CDS2: variants seen among roughly 807,000 people sequenced by gnomAD.
CDS2 encodes the protein phosphatidate cytidylyltransferase 2.
Under a neutral mutation model 59.0 loss-of-function variants are expected in CDS2, and 47 were observed. That is an observed-to-expected ratio of 0.80 (90% CI 0.63 to 1.02). The LOEUF is 1.02. Ranked by LOEUF, CDS2 falls within the 50% of genes least tolerant of loss-of-function variation. The pLI is 0.00. For missense variants in CDS2, 356 were observed against 558.9 expected, an observed-to-expected ratio of 0.64 and a Z score of 3.66; for synonymous variants, 207 against 206.4, an observed-to-expected ratio of 1.00 and a Z score of -0.02.
chr20:5,190,384 A>G lies in CDS2; in HGVS notation c.*150A>G. On this transcript the variant is annotated 3_prime_UTR_variant, in exon 13 of 13. Transcript: ENST00000460006. ...GAGGGTATTTTTTATTTGTGGGTTC[A>G]AAAAATCTGTATATACAGTCTATGT... is the stretch of plus-strand genomic sequence containing the variant. 1.4e-6 allele frequency: 1 copy of G among 718,628 alleles called. No individual in the cohort carries two copies. Among genetic ancestry groups the G allele is most frequent in the South Asian group, 2.3e-5 (1 of 42,646 alleles). 44.5% of individuals were successfully genotyped at this position (718,628 alleles called of 1,614,324 possible). A position where few individuals can be genotyped will look rare whatever the true frequency, so the allele number is the denominator to read the frequency against.
chr20:5,137,922 C>T (rs1051703229), intron 1 of CDS2, among the ~76,000 whole-genome samples: 2 of 151,662 alleles, frequency 1.3e-5, no homozygotes, highest in East Asian at 4.0e-4. Context: ...CCTCAGCCTC[C>T]CGAGTAGCTG....
At chr20:5,164,344 G>A (rs1423323473) in intron 1 of CDS2, among the ~76,000 whole-genome samples, 1 of 152,110 alleles carries the variant, frequency 6.6e-6, no homozygotes, top group Non-Finnish European at 1.5e-5. Context: ...AGACACTGGG[G>A]ACATTTGCTC....
intron 9 of CDS2, among the ~76,000 whole-genome samples, chr20:5,186,225 GTCC>G (rs2091066733): frequency 6.6e-6 from 1 of 152,224 alleles, no homozygotes; most frequent in African/African-American, 2.4e-5. Context: ...CCTTGGGCCA[GTCC>G]TCCTTCTTCA....
intron 1 of CDS2, among the ~76,000 whole-genome samples, chr20:5,140,574 A>T (rs142888460): frequency 7.2e-5 from 11 of 152,366 alleles, no homozygotes; most frequent in African/African-American, 2.6e-4. Context: ...TGAGAATACT[A>T]TCAACCTTAT....
chr20:5,163,281 G>T (rs1204781886), intron 1 of CDS2, among the ~76,000 whole-genome samples: 1 of 152,012 alleles, frequency 6.6e-6, no homozygotes, highest in East Asian at 1.9e-4. Context: ...ATTTTTTTGA[G>T]ACAGAGTTTT....
At position 5,186,847 on chromosome 20, in the gene CDS2, C is replaced by G. The variant is rs781685813; in HGVS notation, c.981+8C>G. 3 of 1,613,900 alleles carry G rather than the reference C, an allele frequency of 1.9e-6. No individual in the cohort carries two copies. In the Admixed American group the frequency reaches 5.0e-5, roughly 27 times the overall value. On this transcript the variant is annotated splice_region_variant and intron_variant, in intron 10 of 12. Transcript: ENST00000460006. The stretch of plus-strand genomic sequence containing the variant: ...CAGTCAGTCATTGGCTGGGTATGTG[C>G]CACTCACAGGGGGTGAGCGGCCTCC...
intron 1 of CDS2, among the ~76,000 whole-genome samples, chr20:5,142,864 AT>A (rs961676603): frequency 1.3e-5 from 2 of 151,804 alleles, no homozygotes; most frequent in African/African-American, 4.8e-5. Flanking sequence ...TTGTTTTTTT[AT>A]TTTTTTTGAG....
intron 1 of CDS2, among the ~76,000 whole-genome samples, chr20:5,151,820 A>T (rs2090793320): frequency 7.7e-6 from 1 of 129,936 alleles, no homozygotes; most frequent in African/African-American, 3.0e-5. Flanking sequence ...GCTGGAGTGC[A>T]ATGGTGTGAT....
chr20:5,173,887 C>T (rs200506097), intron 2 of CDS2, among the ~76,000 whole-genome samples: 34 of 152,292 alleles, frequency 2.2e-4, no homozygotes, highest in Middle Eastern at 3.4e-3. Flanking sequence ...GATCTGGCCC[C>T]GGAAGGGTGC....
chr20:5,150,614 C>T (rs1055654407), intron 1 of CDS2, among the ~76,000 whole-genome samples: 6 of 152,266 alleles, frequency 3.9e-5, no homozygotes, highest in African/African-American at 1.2e-4. Flanking sequence ...GCCTGCAGGC[C>T]GAAAGCAAGG....
rs756455205 is a variant in CDS2, at chr20:5,176,781, T to A, written c.389+36T>A. ...CGGCCCCACAGAGGCTTTTAGAATT[T>A]GGATGATGTGCTTTGTGGCAGGTAC... On this transcript the variant is annotated intron_variant, in intron 4 of 12. Transcript: ENST00000460006. The A allele has an allele frequency of 2.1e-6, 3 of 1,436,140 alleles. No individual in the cohort carries two copies. In the Admixed American group the frequency reaches 5.0e-5, roughly 24 times the overall value. 89.0% of individuals were successfully genotyped at this position (1,436,140 alleles called of 1,614,324 possible).
At chr20:5,143,982 C>T (rs1286902623) in intron 1 of CDS2, among the ~76,000 whole-genome samples, 1 of 152,086 alleles carries the variant, frequency 6.6e-6, no homozygotes, top group African/African-American at 2.4e-5. Context: ...CCAGGCTGGT[C>T]TTGAACTGCT....
chr20:5,165,550 TG>T (rs201592395), intron 1 of CDS2, among the ~76,000 whole-genome samples: 3 of 118,764 alleles, frequency 2.5e-5, no homozygotes, highest in African/African-American at 9.4e-5. Flanking sequence ...CGTCTTTTTT[TG>T]TTTTTTTGTT....
chr20:5,152,396 G>A (rs1186454959), intron 1 of CDS2, among the ~76,000 whole-genome samples: 2 of 152,108 alleles, frequency 1.3e-5, no homozygotes, highest in Admixed American at 1.3e-4. Flanking sequence ...TTATCTTGGT[G>A]TACTTTCGTT....
At position 5,173,508 on chromosome 20, in the gene CDS2, A is replaced by G. The variant is rs764984723; in HGVS notation, c.58-15A>G. The G allele has an allele frequency of 1.9e-6, 3 of 1,613,780 alleles. No homozygotes were observed. The highest frequency in any genetic ancestry group is 2.5e-6 in the Non-Finnish European group (3 of 1,179,722). ...CACTTTTGACCTTTTTCTCTTCTGT[A>G]TTTCTGCCACTTAGGAGTCAGAGTC... is the stretch of plus-strand genomic sequence containing the variant. On this transcript the variant is annotated splice_polypyrimidine_tract_variant and intron_variant, in intron 1 of 12. Transcript: ENST00000460006.
At chr20:5,128,884 T>C (rs1011822811) in intron 1 of CDS2, 1 of 152,230 alleles carries the variant, frequency 6.6e-6, no homozygotes, top group African/African-American at 2.4e-5. Context: ...TGGTGGGCCA[T>C]GTTTTTGAAA....
At chr20:5,127,171 G>C (rs1230872039) in intron 1 of CDS2, 22 bp downstream of exon 1, 1 of 1,480,448 alleles carries the variant, frequency 6.8e-7, no homozygotes, top group Admixed American at 2.4e-5. Context: ...GTCGGGGTGG[G>C]CGCGGCCGGG....
chr20:5,159,728 C>G (rs1373905172), intron 1 of CDS2, among the ~76,000 whole-genome samples: 1 of 152,020 alleles, frequency 6.6e-6, no homozygotes, highest in Non-Finnish European at 1.5e-5. Context: ...AAAATATATA[C>G]CAAACTGGGT....
intron 3 of CDS2, 178 bp downstream of exon 3, chr20:5,175,457 T>C: frequency 1.7e-6 from 1 of 573,936 alleles, no homozygotes; most frequent in Non-Finnish European, 3.1e-6. Context: ...TGGAGGGTCA[T>C]TGGTGTAGGC....
Sources: allele counts gnomAD v4.1 joint callset (sites outside exome capture counted in the v4.1 genomes callset), GRCh38; gene constraint gnomAD v4.1.1; transcripts MANE v1.5; gene names NCBI Gene and HGNC (gene_info 2026-07-23, HGNC 2026-07-21).